RHBDF2: variants seen among roughly 807,000 people sequenced by gnomAD.
The protein encoded by RHBDF2 is inactive rhomboid protein 2.
In RHBDF2, 38 loss-of-function variants were observed where a neutral mutation model predicts 95.2. The ratio of observed to expected loss-of-function variants is 0.40; its 90% confidence interval spans 0.31 to 0.52. The LOEUF is 0.52. RHBDF2 is among the 20% of genes least tolerant of loss of function. The pLI, the probability that RHBDF2 is intolerant of heterozygous loss-of-function variation, is 0.56. For synonymous variants in RHBDF2, 442 were observed against 462.0 expected, an observed-to-expected ratio of 0.96 and a Z score of 0.55; for missense variants, 863 against 1,137.7, an observed-to-expected ratio of 0.76 and a Z score of 3.47.
chr17:76,480,897 G>T (rs538943159), intron 3 of RHBDF2, among the ~76,000 whole-genome samples: 6 of 152,244 alleles, frequency 3.9e-5, no homozygotes, highest in African/African-American at 1.2e-4. Flanking sequence ...GCCACAAGCC[G>T]GTTTTCAATG....
chr17:76,477,199 C>A lies in RHBDF2; in HGVS notation c.901G>T (p.Asp301Tyr). Reference protein sequence around the residue: ...IPHSASPVSPDGVQIPLKEYG... With the variant: ...IPHSASPVSPYGVQIPLKEYG... ...ACTCACAGAGGGATTTGCACCCCAT[C>A]GGGGGAGACAGGGGAGGCTGAGTGT... The change falls in exon 8 of 19, where the codon GAT becomes TAT. Residue 301 changes from aspartate (D) to tyrosine (Y), a missense_variant. Physicochemically the swap from Asp to Tyr is radical, Grantham distance 160. Transcript: ENST00000675367. The A allele has an allele frequency of 3.1e-6, 5 of 1,610,998 alleles. No homozygotes were observed. Among genetic ancestry groups the A allele is most frequent in the Non-Finnish European group, 4.2e-6 (5 of 1,179,024 alleles).
At chr17:76,493,421 C>G (rs139652273) in intron 1 of RHBDF2, among the ~76,000 whole-genome samples, 1 of 152,156 alleles carries the variant, frequency 6.6e-6, no homozygotes, top group Non-Finnish European at 1.5e-5. Context: ...CTGGGCCTCA[C>G]GTAGCCAGTG....
chr17:76,473,798 T>A, intron 14 of RHBDF2, 41 bp downstream of exon 14: 2 of 1,613,124 alleles, frequency 1.2e-6, no homozygotes, highest in Non-Finnish European at 1.7e-6. Flanking sequence ...AGGTCCCCCA[T>A]CCCTGACCTT....
chr17:76,471,964 T>G lies in RHBDF2; in HGVS notation c.2153A>C (p.Lys718Thr). Residue 718 changes from lysine to threonine, a missense_variant, in exon 19 of 19, where the codon AAG becomes ACG. Transcript: ENST00000675367. ...QSWPLLERPW[K>T]AFLNLSAIVL... The stretch of plus-strand genomic sequence containing the variant: ...GATGGCCGAGAGGTTGAGGAAGGCC[T>G]TCCAGGGCCTCTCCAGCAGCGGCCA... 6.4e-7 allele frequency: 1 copy of G among 1,571,774 alleles called. No homozygotes were observed. Among genetic ancestry groups the G allele is most frequent in the African/African-American group, 1.3e-5 (1 of 74,306 alleles).
intron 1 of RHBDF2, among the ~76,000 whole-genome samples, chr17:76,496,624 G>A (rs1016086375): frequency 6.6e-6 from 1 of 152,218 alleles, no homozygotes; most frequent in Admixed American, 6.5e-5. Context: ...TCATTTAGTT[G>A]AGGCTAAGGG....
At chr17:76,489,411 C>T (rs956794608) in intron 1 of RHBDF2, among the ~76,000 whole-genome samples, 4 of 151,626 alleles carry the variant, frequency 2.6e-5, no homozygotes, top group East Asian at 2.0e-4. Flanking sequence ...TCAAGCACCG[C>T]CTCCCGGGTT....
chr17:76,471,386 C>T lies in RHBDF2; in HGVS notation c.*247G>A. ...AACTGAGACCCAAGACTCAGAGAGG[C>T]AGGTGCCTTGGGTGTGCCTGAGCTT... On this transcript the variant is annotated 3_prime_UTR_variant, in exon 19 of 19. Transcript: ENST00000675367. 1.9e-6 allele frequency: 1 copy of T among 520,708 alleles called. No individual in the cohort carries two copies. The highest frequency in any genetic ancestry group is 3.4e-6 in the Non-Finnish European group (1 of 295,254). 32.3% of individuals were successfully genotyped at this position (520,708 alleles called of 1,614,324 possible).
At chr17:76,484,090 C>T (rs1486170154) in intron 2 of RHBDF2, among the ~76,000 whole-genome samples, 14 of 151,876 alleles carry the variant, frequency 9.2e-5, no homozygotes, top group Non-Finnish European at 1.6e-4. Flanking sequence ...GGAGAAACCC[C>T]GTCTCTACTA....
intron 3 of RHBDF2, 33 bp downstream of exon 3, chr17:76,481,342 C>T (rs1036002888): frequency 9.4e-6 from 15 of 1,593,692 alleles, no homozygotes; most frequent in African/African-American, 2.7e-5. Flanking sequence ...TTACCTACGG[C>T]AGAACAGTGA....
At chr17:76,489,917 G>A (rs2074254888) in intron 1 of RHBDF2, among the ~76,000 whole-genome samples, 1 of 151,900 alleles carries the variant, frequency 6.6e-6, no homozygotes, top group Non-Finnish European at 1.5e-5. Context: ...GAGGCTCCTA[G>A]GGGACGGGCT....
chr17:76,472,164 CCT>C (rs1158781549), intron 18 of RHBDF2, 112 bp from the exon 19 acceptor site: 3 of 1,093,480 alleles, frequency 2.7e-6, no homozygotes, highest in Non-Finnish European at 3.8e-6. Context: ...CATGGGGACC[CCT>C]GAGGCTGAGG....
In RHBDF2 at chr17:76,480,005, T is replaced by TAA. The variant is rs2073900894; in HGVS notation, c.151-153_151-152dup. Reference sequence around the variant, plus strand: ...GCTTTCATTTGGAAATATATATATATAATGTGTGTGTGTGTGTGTGTGTGT... The same window carrying TAA: ...GCTTTCATTTGGAAATATATATATATAAAATGTGTGTGTGTGTGTGTGTGTGT... On this transcript the variant is annotated intron_variant, in intron 3 of 18. Transcript: ENST00000675367. The TAA allele has an allele frequency of 6.0e-6, 4 of 665,466 alleles. No homozygotes were observed. In the South Asian group the frequency reaches 6.5e-5, roughly 11 times the overall value. The allele number at this position is 665,466 out of a possible 1,614,324, so 41.2% of individuals were successfully genotyped here.
At position 76,474,492 on chromosome 17, in the gene RHBDF2, G is replaced by C; in HGVS notation, c.1345C>G (p.Arg449Gly). ...AGCTGCTCGATCTGCCCGTCCTTCCGGATGCAGGGTGAGAACTTGGCCCCC... is the reference window on the plus strand; with the variant it reads ...AGCTGCTCGATCTGCCCGTCCTTCCCGATGCAGGGTGAGAACTTGGCCCCC... ...HLGAKFSPCI[R>G]KDGQIEQLVL... The change falls in exon 12 of 19, where the codon CGG (arginine) becomes GGG (glycine). Residue 449 changes from arginine (R) to glycine (G), a missense_variant. Arg to Gly is a moderately radical substitution (Grantham distance 125). This residue lies in a region of RHBDF2 where 611 missense variants were observed against 725.5 expected (regional missense o/e 0.84). Transcript: ENST00000675367. The C allele has an allele frequency of 1.9e-6, 3 of 1,614,154 alleles. No homozygotes were observed. The highest frequency in any genetic ancestry group is 2.5e-6 in the Non-Finnish European group (3 of 1,180,008).
Position 76,473,631 on chromosome 17 carries a change from G to A in RHBDF2, c.1733+17C>T, listed in dbSNP as rs1229299478. 1 of 1,588,552 alleles carries A rather than the reference G, an allele frequency of 6.3e-7. No homozygotes were observed. The highest frequency in any genetic ancestry group is 1.3e-5 in the African/African-American group (1 of 74,498). On this transcript the variant is annotated intron_variant, in intron 15 of 18. Transcript: ENST00000675367. ...GGGGGCAGTGGGATGGCTGAGGCCA[G>A]GGCCCAGGTCGCTCACCTGCCCTTG...
chr17:76,494,666 C>T (rs1341838109), intron 1 of RHBDF2, among the ~76,000 whole-genome samples: 4 of 152,248 alleles, frequency 2.6e-5, no homozygotes, highest in Middle Eastern at 6.8e-3. Flanking sequence ...GCAGAAGAAT[C>T]GCTTGAACCT....
chr17:76,480,006 A>G, intron 3 of RHBDF2, 152 bp from the exon 4 acceptor site: 1 of 598,236 alleles, frequency 1.7e-6, no homozygotes, highest in Admixed American at 5.1e-5. Flanking sequence ...ATATATATAT[A>G]ATGTGTGTGT....
At chr17:76,477,923 G>T in intron 6 of RHBDF2, 138 bp from the exon 7 acceptor site, 2 of 1,345,410 alleles carry the variant, frequency 1.5e-6, no homozygotes, top group Non-Finnish European at 2.0e-6. Flanking sequence ...AAAGCGTGGA[G>T]ATTCTGCAAG....
chr17:76,484,274 A>G (rs1302685422), intron 2 of RHBDF2, among the ~76,000 whole-genome samples: 1 of 151,962 alleles, frequency 6.6e-6, no homozygotes, highest in Non-Finnish European at 1.5e-5. Flanking sequence ...AAAAATAAAA[A>G]TAAAAATAAA....
At chr17:76,497,339 G>C (rs2074451567) in intron 1 of RHBDF2, among the ~76,000 whole-genome samples, 1 of 152,150 alleles carries the variant, frequency 6.6e-6, no homozygotes, top group South Asian at 2.1e-4. Context: ...ACACACACTG[G>C]CAGGCCAGGA....
Sources: allele counts gnomAD v4.1 joint callset (sites outside exome capture counted in the v4.1 genomes callset), GRCh38; gene constraint gnomAD v4.1.1; regional missense constraint gnomAD v4.1.1; transcripts MANE v1.5; gene names NCBI Gene and HGNC (gene_info 2026-07-23, HGNC 2026-07-21).